KIAA0825: variants seen among roughly 807,000 people sequenced by gnomAD.
KIAA0825 encodes KIAA0825.
KIAA0825 carries 119 observed loss-of-function variants against 147.6 expected under a neutral mutation model. The observed-to-expected ratio is 0.81, with a 90% CI of 0.69 to 0.94. The LOEUF (loss-of-function observed/expected upper bound fraction) is 0.94, where lower values mean the gene tolerates loss of function less well. KIAA0825 is among the 40% of genes least tolerant of loss of function. The probability of loss-of-function intolerance (pLI) is 0.00; values close to 1 mark genes in which losing one functional copy is unlikely to be tolerated. For missense variants in KIAA0825, 1,381 were observed against 1,472.7 expected (o/e 0.94, Z 1.02); for synonymous variants, 470 against 518.1 (o/e 0.91, Z 1.26).
chr5:94,314,258 C>T (rs1000087949), intron 20 of KIAA0825, among the ~76,000 whole-genome samples: 13 of 151,730 alleles, frequency 8.6e-5, no homozygotes, highest in Admixed American at 2.6e-4. Flanking sequence ...TATCTCTCTC[C>T]TAACACTAAT....
Position 94,526,242 on chromosome 5 carries a change from T to C in KIAA0825, c.132-2144A>G, listed in dbSNP as rs956030830. 3.9e-5 allele frequency among the ~76,000 whole-genome samples: 6 copies of C among 152,100 alleles called. No individual in the cohort carries two copies. The Middle Eastern group carries it at 0.014, about 345-fold the overall frequency. ...TAAAAGGTAACATTTTCAAATGTTA[T>C]CTTTCAGATGCTACACATTATTCAG... On this transcript the variant is annotated intron_variant, in intron 3 of 20. Transcript: ENST00000682413.
intron 14 of KIAA0825, among the ~76,000 whole-genome samples, chr5:94,438,626 G>A (rs1252686970): frequency 2.0e-5 from 3 of 152,120 alleles, no homozygotes; most frequent in Non-Finnish European, 4.4e-5. Context: ...ACAGTTTGGA[G>A]AGCACCAGGA....
rs927472526 is a variant in KIAA0825 at position 94,240,308 on chromosome 5, A to C, written c.3711-86184T>G. On this transcript the variant is annotated intron_variant, in intron 20 of 20. Coordinates refer to ENST00000682413, the MANE Select transcript of KIAA0825 (RefSeq NM_001145678.3). ...ATGAAAGAAGTATTAGCACTTGTCA[A>C]CAAAACTGCTTACAACATAACATTA... 1.6e-4 allele frequency among the ~76,000 whole-genome samples: 24 copies of C among 152,236 alleles called. 1 individual carries two copies. The highest frequency in any genetic ancestry group is 1.6e-3 in the Admixed American group (24 of 15,282).
At chr5:94,432,873 C>G (rs1006473790) in intron 14 of KIAA0825, among the ~76,000 whole-genome samples, 1 of 151,868 alleles carries the variant, frequency 6.6e-6, no homozygotes, top group Non-Finnish European at 1.5e-5. Context: ...TAATAAAGAA[C>G]TAAAAGAAAA....
At chr5:94,194,761 C>G (rs746077229) in intron 20 of KIAA0825, among the ~76,000 whole-genome samples, 12 of 152,230 alleles carry the variant, frequency 7.9e-5, no homozygotes, top group Non-Finnish European at 1.3e-4. Context: ...TCAATTTCCA[C>G]AAAATCTTCT....
At chr5:94,430,654 C>A (rs1275870953) in intron 14 of KIAA0825, among the ~76,000 whole-genome samples, 5 of 152,110 alleles carry the variant, frequency 3.3e-5, no homozygotes, top group African/African-American at 1.2e-4. Context: ...AATAGTATTA[C>A]TTGTAATATA....
chr5:94,533,897 G>C (rs764932596), intron 3 of KIAA0825, among the ~76,000 whole-genome samples: 22 of 152,178 alleles, frequency 1.4e-4, no homozygotes, highest in Non-Finnish European at 2.8e-4. Flanking sequence ...GGCAGGTGAA[G>C]GTTCAGTGAC....
chr5:94,611,539 C>A (rs1000065675), intron 1 of KIAA0825, among the ~76,000 whole-genome samples: 3 of 151,784 alleles, frequency 2.0e-5, no homozygotes, highest in Non-Finnish European at 4.4e-5. Flanking sequence ...GGGGAAGGAT[C>A]CTATGAAACT....
chr5:94,298,016 G>A (rs1051024276), intron 20 of KIAA0825, among the ~76,000 whole-genome samples: 45 of 148,594 alleles, frequency 3.0e-4, no homozygotes, highest in Non-Finnish European at 6.0e-4. Flanking sequence ...GGAGGCCAAC[G>A]TGGACAGATC....
intron 20 of KIAA0825, among the ~76,000 whole-genome samples, chr5:94,298,194 G>T (rs1157956044): frequency 6.6e-6 from 1 of 151,884 alleles, no homozygotes; most frequent in Non-Finnish European, 1.5e-5. Flanking sequence ...GTTGCAGTGA[G>T]CCGAGATTGC....
chr5:94,483,489 C>T (rs1762703275), intron 6 of KIAA0825, among the ~76,000 whole-genome samples: 1 of 151,786 alleles, frequency 6.6e-6, no homozygotes, highest in African/African-American at 2.4e-5. Context: ...TCTATTCAGA[C>T]CTCTGTTTGA....
At chr5:94,423,956 T>C (rs1754518640) in intron 14 of KIAA0825, among the ~76,000 whole-genome samples, 1 of 152,176 alleles carries the variant, frequency 6.6e-6, no homozygotes, top group South Asian at 2.1e-4. Context: ...TTTAATAACA[T>C]TGAACTTTGT....
At chr5:94,416,868 A>G (rs1562476569) in intron 15 of KIAA0825, 1 of 190,942 alleles carries the variant, frequency 5.2e-6, no homozygotes, top group African/African-American at 2.3e-5. Context: ...AATACTTTTC[A>G]CATCTTACTA....
At chr5:94,339,942 C>T (rs748016539) in intron 20 of KIAA0825, among the ~76,000 whole-genome samples, 2 of 152,158 alleles carry the variant, frequency 1.3e-5, no homozygotes, top group Non-Finnish European at 2.9e-5. Context: ...ACCAATCTTA[C>T]TTTCTTCAAT....
At chr5:94,292,407 G>A (rs775417842) in intron 20 of KIAA0825, among the ~76,000 whole-genome samples, 2 of 152,038 alleles carry the variant, frequency 1.3e-5, no homozygotes, top group Non-Finnish European at 2.9e-5. Context: ...GATGGATTAC[G>A]TTTATTGATT....
intron 20 of KIAA0825, among the ~76,000 whole-genome samples, chr5:94,259,419 C>G (rs1195283495): frequency 2.0e-5 from 3 of 151,962 alleles, no homozygotes; most frequent in African/African-American, 7.2e-5. Flanking sequence ...TTAGAATGCC[C>G]TCAGTAAGAA....
intron 20 of KIAA0825, among the ~76,000 whole-genome samples, chr5:94,165,099 G>T (rs1483247287): frequency 6.6e-6 from 1 of 152,084 alleles, no homozygotes; most frequent in Admixed American, 6.6e-5. Flanking sequence ...GAAAATATTT[G>T]CACACTACTC....
rs567789264 is a variant in KIAA0825, at chr5:94,152,753, T to C, written c.*1254A>G. Among the ~76,000 whole-genome samples the C allele has an allele frequency of 7.3e-6, 1 of 137,930 alleles. No individual in the cohort carries two copies. Among genetic ancestry groups the C allele is most frequent in the East Asian group, 2.2e-4 (1 of 4,536 alleles). The allele number at this position is 137,930 out of a possible 152,430, so 90.5% of individuals were successfully genotyped here. A position where few individuals can be genotyped will look rare whatever the true frequency, so the allele number is the denominator to read the frequency against. On this transcript the variant is annotated 3_prime_UTR_variant, in exon 21 of 21. Coordinates refer to ENST00000682413, the MANE Select transcript of KIAA0825 (RefSeq NM_001145678.3). ...TTGCTTGAGCCTATGAGTTTGAGGT[T>C]ACATTGAACTATGATCATGCCACTG...
intron 5 of KIAA0825, among the ~76,000 whole-genome samples, chr5:94,516,579 G>A (rs975682198): frequency 3.3e-5 from 5 of 151,844 alleles, no homozygotes; most frequent in Admixed American, 3.3e-4. Context: ...CGAGGCGGGC[G>A]GATCACGAGG....
Sources: allele counts gnomAD v4.1 joint callset (sites outside exome capture counted in the v4.1 genomes callset), GRCh38; gene constraint gnomAD v4.1.1; transcripts MANE v1.5; gene names NCBI Gene and HGNC (gene_info 2026-07-23, HGNC 2026-07-21).